The following TFAP2D variants were observed in gnomAD, a reference collection of about 807,000 sequenced individuals.
TFAP2D encodes transcription factor AP-2-delta.
Under a neutral mutation model 43.6 loss-of-function variants are expected in TFAP2D, and 9 were observed. The ratio of observed to expected loss-of-function variants is 0.21; its 90% confidence interval spans 0.12 to 0.36. The LOEUF (loss-of-function observed/expected upper bound fraction) is 0.36. TFAP2D is among the 10% of genes least tolerant of loss of function. The pLI, the probability that TFAP2D is intolerant of heterozygous loss-of-function variation, is 1.00. For synonymous variants in TFAP2D, 256 were observed against 224.9 expected (o/e 1.14, Z -1.24); for missense variants, 513 against 561.4 (o/e 0.91, Z 0.87).
At chr6:50,714,144 G>T (rs759665099) in intron 1 of TFAP2D, 50 bp downstream of exon 1, 1 of 1,573,482 alleles carries the variant, frequency 6.4e-7, no homozygotes, top group Admixed American at 1.9e-5. Flanking sequence ...TGTGTGTGGC[G>T]GCGGCGGCGG....
chr6:50,720,649 G>T (rs1768705531), intron 3 of TFAP2D, among the ~76,000 whole-genome samples: 1 of 152,158 alleles, frequency 6.6e-6, no homozygotes, highest in Admixed American at 6.5e-5. Context: ...CAAGACTGAT[G>T]AATATTGAAT....
chr6:50,722,862 G>A (rs887147755), intron 3 of TFAP2D, among the ~76,000 whole-genome samples: 1 of 152,102 alleles, frequency 6.6e-6, no homozygotes. Flanking sequence ...GTGAAGAGGG[G>A]AAGCGCCCTT....
At chr6:50,771,615 T>C (rs1769529814) in intron 7 of TFAP2D, among the ~76,000 whole-genome samples, 1 of 152,246 alleles carries the variant, frequency 6.6e-6, no homozygotes, top group South Asian at 2.1e-4. Flanking sequence ...AGCTACTTCT[T>C]AATGAGGTGG....
At chr6:50,724,206 G>A (rs528200600) in intron 3 of TFAP2D, among the ~76,000 whole-genome samples, 2 of 152,110 alleles carry the variant, frequency 1.3e-5, no homozygotes, top group East Asian at 3.9e-4. Context: ...ACTCACAGGC[G>A]CACCTCGCAG....
chr6:50,761,567 A>G (rs1317746627), intron 7 of TFAP2D, among the ~76,000 whole-genome samples: 1 of 152,078 alleles, frequency 6.6e-6, no homozygotes, highest in African/African-American at 2.4e-5. Context: ...TACCAGGCGC[A>G]ACTCTTGCCA....
At position 50,772,936 on chromosome 6, in the gene TFAP2D, G is replaced by T. The variant is rs978216265; in HGVS notation, c.*72G>T. 20 of 1,392,014 alleles carry T rather than the reference G, an allele frequency of 1.4e-5. No individual in the cohort carries two copies. The highest frequency in any genetic ancestry group is 1.9e-5 in the Non-Finnish European group (19 of 1,016,342). The allele number at this position is 1,392,014 out of a possible 1,614,324, so 86.2% of individuals were successfully genotyped here. On this transcript the variant is annotated 3_prime_UTR_variant, in exon 8 of 8. Transcript: ENST00000008391. ...TTTTCTAATATATATATCATTGAGG[G>T]TGACTAATCTTCAGTGGACCAAATC...
intron 5 of TFAP2D, among the ~76,000 whole-genome samples, chr6:50,743,175 C>T (rs1046599713): frequency 8.6e-5 from 13 of 151,992 alleles, no homozygotes; most frequent in African/African-American, 2.4e-5. Flanking sequence ...ATTAAAATTG[C>T]AACTAAAGAC....
At chr6:50,734,040 G>A (rs1314080009) in intron 5 of TFAP2D, among the ~76,000 whole-genome samples, 2 of 151,250 alleles carry the variant, frequency 1.3e-5, no homozygotes, top group African/African-American at 4.9e-5. Flanking sequence ...TGGGACAATG[G>A]AGGGTATAAA....
At chr6:50,760,328 C>A (rs925398376) in intron 7 of TFAP2D, among the ~76,000 whole-genome samples, 1 of 151,932 alleles carries the variant, frequency 6.6e-6, no homozygotes, top group Non-Finnish European at 1.5e-5. Context: ...TTTTTCTCTG[C>A]ATTTAAATGG....
intron 3 of TFAP2D, among the ~76,000 whole-genome samples, chr6:50,722,794 A>G (rs1488784986): frequency 6.6e-6 from 1 of 150,980 alleles, no homozygotes; most frequent in Non-Finnish European, 1.5e-5. Flanking sequence ...GTTTTGTGAA[A>G]TCGAGATGGC....
chr6:50,713,808 G>T lies in TFAP2D; in HGVS notation c.-248G>T. The stretch of plus-strand genomic sequence containing the variant: ...ACGACATCAGCCAAAGAAATACTCA[G>T]CAAGTACAAAATCTGTTCCAGGGAG... On this transcript the variant is annotated 5_prime_UTR_variant, in exon 1 of 8. Coordinates refer to ENST00000008391, the MANE Select transcript of TFAP2D (RefSeq NM_172238.4). The T allele has an allele frequency of 1.7e-6, 1 of 579,752 alleles. No homozygotes were observed. Among genetic ancestry groups the T allele is most frequent in the Admixed American group, 3.4e-5 (1 of 29,586 alleles). 35.9% of individuals were successfully genotyped at this position (579,752 alleles called of 1,614,324 possible).
At chr6:50,749,492 T>G (rs1365844563) in intron 6 of TFAP2D, among the ~76,000 whole-genome samples, 2 of 151,842 alleles carry the variant, frequency 1.3e-5, no homozygotes, top group Non-Finnish European at 2.9e-5. Flanking sequence ...TCTTTCTTTG[T>G]AAGAATGGAT....
At chr6:50,759,882 G>A (rs1769338542) in intron 7 of TFAP2D, among the ~76,000 whole-genome samples, 4 of 151,986 alleles carry the variant, frequency 2.6e-5, no homozygotes, top group Non-Finnish European at 5.9e-5. Context: ...GTGACTTTAG[G>A]GCAGTGGATG....
chr6:50,737,896 C>T (rs879468354), intron 5 of TFAP2D, among the ~76,000 whole-genome samples: 1 of 152,144 alleles, frequency 6.6e-6, no homozygotes, highest in Non-Finnish European at 1.5e-5. Flanking sequence ...AATAGTTCCA[C>T]AGATATGCAA....
intron 2 of TFAP2D, 100 bp downstream of exon 2, chr6:50,715,713 T>C: frequency 1.7e-6 from 2 of 1,187,556 alleles, no homozygotes; most frequent in Non-Finnish European, 2.3e-6. Context: ...TCTTTCTCTC[T>C]CTCTTCTCCT....
At chr6:50,744,713 A>C (rs553586937) in intron 5 of TFAP2D, among the ~76,000 whole-genome samples, 1 of 152,270 alleles carries the variant, frequency 6.6e-6, no homozygotes, top group South Asian at 2.1e-4. Context: ...GTTTAGACAC[A>C]CTAAGAATAG....
chr6:50,715,743 T>TCACACACA lies in TFAP2D; in HGVS notation c.537+131_537+132insACACACAC, dbSNP rs1327376048. On this transcript the variant is annotated intron_variant, in intron 2 of 7. Transcript: ENST00000008391. ...TCTCCTCTCTCTCTCTCTCTCTCTC[T>TCACACACA]CTCTCTCACACACACACACACACAC... is the stretch of plus-strand genomic sequence containing the variant. 31 of 676,066 alleles carry TCACACACA rather than the reference T, an allele frequency of 4.6e-5. No individual in the cohort carries two copies. The African/African-American group carries it at 6.4e-4, about 14-fold the overall frequency. The allele number at this position is 676,066 out of a possible 1,614,324, so 41.9% of individuals were successfully genotyped here. A position where few individuals can be genotyped will look rare whatever the true frequency, so the allele number is the denominator to read the frequency against.
chr6:50,743,297 T>C lies in TFAP2D; in HGVS notation c.884-1810T>C, dbSNP rs189320772. 9.2e-5 allele frequency among the ~76,000 whole-genome samples: 14 copies of C among 152,288 alleles called. No homozygotes were observed. In the East Asian group the frequency reaches 2.5e-3, roughly 27 times the overall value. On this transcript the variant is annotated intron_variant, in intron 5 of 7. Transcript: ENST00000008391. ...CAATACCTTTTATATTAAACTAGAC[T>C]TTTTTGCTAAGGCCTAGAACAGGAG...
chr6:50,771,350 A>G (rs1013177917), intron 7 of TFAP2D, among the ~76,000 whole-genome samples: 4 of 152,146 alleles, frequency 2.6e-5, no homozygotes, highest in African/African-American at 9.7e-5. Flanking sequence ...ACTTCTCTTT[A>G]TGTTACATTG....
Sources: allele counts gnomAD v4.1 joint callset (sites outside exome capture counted in the v4.1 genomes callset), GRCh38; gene constraint gnomAD v4.1.1; transcripts MANE v1.5; gene names NCBI Gene and HGNC (gene_info 2026-07-23, HGNC 2026-07-21).